The following DAB1 variants were observed in gnomAD, a reference collection of about 807,000 sequenced individuals.
DAB1 encodes disabled homolog 1.
In DAB1, 15 loss-of-function variants were observed where a neutral mutation model predicts 64.6. The ratio of observed to expected loss-of-function variants is 0.23; its 90% CI spans 0.16 to 0.36. The LOEUF (loss-of-function observed/expected upper bound fraction) is 0.36. Ranked by LOEUF, DAB1 falls within the 10% of genes least tolerant of loss-of-function variation. The pLI, the probability that DAB1 is intolerant of heterozygous loss-of-function variation, is 1.00. For synonymous variants in DAB1, 235 were observed against 251.9 expected, an observed-to-expected ratio of 0.93 and a Z score of 0.64; for missense variants, 596 against 706.7, an observed-to-expected ratio of 0.84 and a Z score of 1.78.
intron 2 of DAB1, among the ~76,000 whole-genome samples, chr1:57,260,141 C>A (rs1670073855): frequency 6.6e-6 from 1 of 152,116 alleles, no homozygotes; most frequent in Non-Finnish European, 1.5e-5. Context: ...ACCCTTCACC[C>A]CACAAATACT....
At position 57,054,451 on chromosome 1, in the gene DAB1, C is replaced by T. The variant is rs192734943; in HGVS notation, c.723+8433G>A. On this transcript the variant is annotated intron_variant, in intron 9 of 14. Coordinates refer to ENST00000371236, the MANE Select transcript of DAB1 (RefSeq NM_001365792.1). ...AATGGGACGCTTAGCAGACACCTTC[C>T]TCTCCACTCAGGAATGTGCTTTTTT... 6.3e-4 allele frequency among the ~76,000 whole-genome samples: 94 copies of T among 150,124 alleles called. No homozygotes were observed. In the East Asian group the frequency reaches 0.011, roughly 17 times the overall value.
intron 4 of DAB1, among the ~76,000 whole-genome samples, chr1:57,085,351 GA>G (rs1447131876): frequency 2.0e-5 from 3 of 152,284 alleles, no homozygotes; most frequent in African/African-American, 4.8e-5. Flanking sequence ...CAGACTTAGA[GA>G]CAACTGCGCC....
chr1:57,596,471 CTATT>C (rs1315427342), intron 7 of DAB1, among the ~76,000 whole-genome samples: 2 of 151,482 alleles, frequency 1.3e-5, no homozygotes, highest in African/African-American at 4.9e-5. Flanking sequence ...ATGGCTGTCT[CTATT>C]TATGCATCCA....
chr1:58,126,603 C>A (rs1476683399), intron 5 of DAB1, among the ~76,000 whole-genome samples: 4 of 149,828 alleles, frequency 2.7e-5, no homozygotes, highest in Admixed American at 6.6e-5. Flanking sequence ...CTATCCCTCC[C>A]CCCCTACCCC....
At chr1:58,486,264 T>A (rs1225954156) in intron 3 of DAB1, among the ~76,000 whole-genome samples, 1 of 152,218 alleles carries the variant, frequency 6.6e-6, no homozygotes, top group African/African-American at 2.4e-5. Flanking sequence ...GATATTGCTA[T>A]CCTGATTTCA....
At chr1:57,248,125 T>C (rs192908963) in intron 2 of DAB1, among the ~76,000 whole-genome samples, 13 of 152,336 alleles carry the variant, frequency 8.5e-5, no homozygotes, top group Admixed American at 7.8e-4. Flanking sequence ...GTGCATATCC[T>C]CCTGTACACT....
At chr1:57,496,935 C>T (rs568486282) in intron 7 of DAB1, among the ~76,000 whole-genome samples, 1 of 152,172 alleles carries the variant, frequency 6.6e-6, no homozygotes, top group Non-Finnish European at 1.5e-5. Context: ...CCCCTGCCCT[C>T]CTCTCCAACC....
intron 1 of DAB1, among the ~76,000 whole-genome samples, chr1:57,303,705 G>A (rs1673874531): frequency 6.6e-6 from 1 of 152,094 alleles, no homozygotes; most frequent in Admixed American, 6.5e-5. Context: ...AGGGGAAAGA[G>A]AGAGATCATT....
intron 6 of DAB1, among the ~76,000 whole-genome samples, chr1:57,685,838 A>G (rs556389492): frequency 1.3e-5 from 2 of 152,224 alleles, no homozygotes; most frequent in Non-Finnish European, 2.9e-5. Flanking sequence ...TTAAGGCAGA[A>G]ATAAAAAAAT....
At chr1:57,386,430 C>T (rs1464916542) in intron 1 of DAB1, 2 of 150,304 alleles carry the variant, frequency 1.3e-5, no homozygotes, top group Non-Finnish European at 2.9e-5. Context: ...GAATCCTGGT[C>T]AGCTTTACGG....
intron 4 of DAB1, among the ~76,000 whole-genome samples, chr1:58,223,181 G>T (rs1319669822): frequency 6.6e-6 from 1 of 152,168 alleles, no homozygotes; most frequent in African/African-American, 2.4e-5. Context: ...AGAGCACAGA[G>T]AATAAGTATA....
At chr1:57,697,634 A>G (rs1646860708) in intron 6 of DAB1, among the ~76,000 whole-genome samples, 2 of 152,216 alleles carry the variant, frequency 1.3e-5, no homozygotes, top group African/African-American at 4.8e-5. Context: ...GATTTGGAGG[A>G]AAATTAAGAA....
intron 5 of DAB1, among the ~76,000 whole-genome samples, chr1:57,954,470 C>A (rs1443423127): frequency 6.6e-6 from 1 of 152,106 alleles, no homozygotes; most frequent in Non-Finnish European, 1.5e-5. Flanking sequence ...TTACAATGAT[C>A]ATGCTTCAGC....
chr1:58,191,713 C>A (rs980760612), intron 4 of DAB1, among the ~76,000 whole-genome samples: 6 of 152,228 alleles, frequency 3.9e-5, no homozygotes, highest in African/African-American at 1.4e-4. Flanking sequence ...CTACGACACC[C>A]ACCGGCTGCT....
intron 9 of DAB1, among the ~76,000 whole-genome samples, chr1:57,054,871 G>T (rs1463075349): frequency 3.3e-5 from 5 of 152,170 alleles, no homozygotes; most frequent in African/African-American, 1.2e-4. Context: ...AAGACTACGT[G>T]TATTTCCCAG....
intron 6 of DAB1, among the ~76,000 whole-genome samples, chr1:57,705,939 CT>C (rs1029418378): frequency 4.6e-4 from 67 of 144,694 alleles, no homozygotes; most frequent in Middle Eastern, 3.6e-3. Context: ...TTAGTAATAT[CT>C]TTTTTCCTCA....
intron 6 of DAB1, among the ~76,000 whole-genome samples, chr1:57,740,154 C>T (rs1354293396): frequency 6.6e-6 from 1 of 151,900 alleles, no homozygotes; most frequent in African/African-American, 2.4e-5. Context: ...GCAGAGGTTG[C>T]AATGAGCCGA....
intron 5 of DAB1, among the ~76,000 whole-genome samples, chr1:58,005,253 G>C (rs1646564117): frequency 6.6e-6 from 1 of 152,096 alleles, no homozygotes; most frequent in African/African-American, 2.4e-5. Context: ...TAACCTGCTA[G>C]GGATGATACA....
intron 6 of DAB1, among the ~76,000 whole-genome samples, chr1:57,803,378 A>G (rs939090030): frequency 6.6e-6 from 1 of 152,226 alleles, no homozygotes; most frequent in African/African-American, 2.4e-5. Flanking sequence ...AGTTAAGAAC[A>G]TAGAGTTTCT....
Sources: gnomAD v4.1 joint callset for allele counts (sites outside exome capture counted in the v4.1 genomes callset) on GRCh38, gnomAD v4.1.1 for gene constraint, MANE v1.5 for transcripts, NCBI Gene and HGNC (gene_info 2026-07-23, HGNC 2026-07-21) for gene names.